Variants in CDH11 observed in about 807,000 individuals in gnomAD.
CDH11 encodes cadherin 11, also known as cadherin-11.
A neutral mutation model predicts 67.8 loss-of-function variants in CDH11; 11 were observed. That is an observed-to-expected ratio of 0.16 (90% CI 0.10 to 0.27). The LOEUF is 0.27. Ranked by LOEUF, CDH11 falls within the 10% of genes least tolerant of loss-of-function variation. The probability of loss-of-function intolerance (pLI) is 1.00; values close to 1 mark genes in which losing one functional copy is unlikely to be tolerated. For missense variants in CDH11, 847 were observed against 1,031.2 expected, an observed-to-expected ratio of 0.82 and a Z score of 2.45; for synonymous variants, 419 against 400.0, an observed-to-expected ratio of 1.05 and a Z score of -0.57.
At position 64,950,960 on chromosome 16, in the gene CDH11, C is replaced by G. The variant is rs1755885399; in HGVS notation, c.1701G>C (p.Leu567Phe). 1.2e-6 allele frequency: 2 copies of G among 1,614,088 alleles called. No individual in the cohort carries two copies. The change falls in exon 12 of 13, where the codon TTG becomes TTC. Residue 567 changes from leucine (L) to phenylalanine (F), a missense_variant. By Grantham distance (22) the Leu-to-Phe change is conservative. Transcript: ENST00000268603. ...RGGFSRQKQD[L>F]YLLPIVISDG... ...CGCTGATCACTATGGGCAGAAGGTA[C>G]AAGTCCTGCTTCTGCCGACTGAACC...
intron 8 of CDH11, 77 bp downstream of exon 8, chr16:64,981,970 TG>T: frequency 4.6e-6 from 6 of 1,300,026 alleles, no homozygotes; most frequent in Non-Finnish European, 6.4e-6. Context: ...TTGAAAAACG[TG>T]GTTCCTACAG....
At position 64,976,851 on chromosome 16, in the gene CDH11, A is replaced by AAACCAACCAACCAACC. The variant is rs143816723; in HGVS notation, c.1254-3827_1254-3812dup. 2.0e-5 allele frequency among the ~76,000 whole-genome samples: 3 copies of AAACCAACCAACCAACC among 147,084 alleles called. 1 individual carries two copies. The highest frequency in any genetic ancestry group is 5.0e-5 in the African/African-American group (2 of 39,648). On this transcript the variant is annotated intron_variant, in intron 8 of 12. Coordinates refer to ENST00000268603, the MANE Select transcript of CDH11 (RefSeq NM_001797.4). ...CAACAGAGTGAGACTCGGTCTCCAA[A>AAACCAACCAACCAACC]AACCAACCAACCAACCAACCAACCA...
intron 1 of CDH11, among the ~76,000 whole-genome samples, chr16:65,110,656 G>A (rs1418149658): frequency 6.7e-6 from 1 of 150,040 alleles, no homozygotes; most frequent in Non-Finnish European, 1.5e-5. Context: ...GTGTGTGTGT[G>A]TGTGTGTGTG....
At position 64,947,682 on chromosome 16, in the gene CDH11, T is replaced by A. The variant is rs2071229857; in HGVS notation, c.2312A>T (p.Tyr771Phe). 6.2e-7 allele frequency: 1 copy of A among 1,614,044 alleles called. No homozygotes were observed. Among genetic ancestry groups the A allele is most frequent in the African/African-American group, 1.3e-5 (1 of 74,926 alleles). ...ATTDSDLDYD[Y>F]LQNWGPRFKK... The stretch of plus-strand genomic sequence containing the variant: ...AAAACGAGGTCCCCAGTTCTGTAGA[T>A]AATCATAGTCCAAGTCTGAATCTGT... Residue 771 changes from tyrosine (Y) to phenylalanine (F), a missense_variant, in exon 13 of 13, where the codon TAT becomes TTT. This residue lies in a region of CDH11 where 612 missense variants were observed against 678.7 expected (regional missense o/e 0.90). Coordinates refer to ENST00000268603, the MANE Select transcript of CDH11 (RefSeq NM_001797.4).
At position 64,982,239 on chromosome 16, in the gene CDH11, G is replaced by C. The variant is rs771089094; in HGVS notation, c.1062C>G (p.Ile354Met). Residue 354 changes from isoleucine to methionine, a missense_variant, in exon 8 of 13, where the codon ATC (isoleucine) becomes ATG (methionine). Ile to Met is a conservative substitution (Grantham distance 10, BLOSUM62 1). Around this residue, in one of 2 missense-constraint regions of CDH11, gnomAD observed 612 missense variants for 678.7 expected, o/e 0.90. Coordinates refer to ENST00000268603, the MANE Select transcript of CDH11 (RefSeq NM_001797.4). ...GGCCATTGCTGATAAACTTCGGGTC[G>C]ATGTGCACGTTGGCTGCCTCTACCT... Reference protein sequence around the residue: ...SLKVEAANVHIDPKFISNGPF... With the variant: ...SLKVEAANVHMDPKFISNGPF... 2 of 1,613,340 alleles carry C rather than the reference G, an allele frequency of 1.2e-6. No homozygotes were observed. The highest frequency in any genetic ancestry group is 2.2e-5 in the South Asian group (2 of 91,068).
intron 7 of CDH11, chr16:64,984,678 T>C (rs1023396766): frequency 6.6e-6 from 1 of 152,224 alleles, no homozygotes; most frequent in South Asian, 2.1e-4. Context: ...TGTGGAAATG[T>C]ACACACAAAA....
intron 2 of CDH11, among the ~76,000 whole-genome samples, chr16:65,049,731 C>T (rs2074022990): frequency 6.6e-6 from 1 of 152,160 alleles, no homozygotes; most frequent in African/African-American, 2.4e-5. Context: ...GTGGTGATGA[C>T]AGTCACATTG....
Position 64,988,268 on chromosome 16 carries a change from G to A in CDH11, c.888C>T (p.Asp296=). 6.2e-7 allele frequency: 1 copy of A among 1,613,702 alleles called. No individual in the cohort carries two copies. The highest frequency in any genetic ancestry group is 8.5e-7 in the Non-Finnish European group (1 of 1,179,744). ...ATGTGACTAAGCCATTTTCTCCAAT[G>A]TCTGGATCTTTAGCTTTCACTCTTC... ...EVGRVKAKDP[D]IGENGLVTYN... Residue 296 remains aspartate (D), a synonymous_variant, in exon 7 of 13, where the codon GAC becomes GAT. Coordinates refer to ENST00000268603, the MANE Select transcript of CDH11 (RefSeq NM_001797.4).
At chr16:65,107,987 A>G (rs1196619802) in intron 1 of CDH11, among the ~76,000 whole-genome samples, 1 of 152,184 alleles carries the variant, frequency 6.6e-6, no homozygotes, top group Non-Finnish European at 1.5e-5. Context: ...CTATTAGGGA[A>G]AATTTGTCAG....
chr16:65,027,149 A>C (rs956143128), intron 2 of CDH11, among the ~76,000 whole-genome samples: 6 of 152,190 alleles, frequency 3.9e-5, no homozygotes, highest in Non-Finnish European at 5.9e-5. Context: ...ACCGCTCACA[A>C]CACCAGCCAC....
chr16:65,097,491 T>C (rs1481140474), intron 1 of CDH11, among the ~76,000 whole-genome samples: 1 of 152,224 alleles, frequency 6.6e-6, no homozygotes, highest in Non-Finnish European at 1.5e-5. Context: ...AGGGCTGTCC[T>C]GTGCACTGCA....
chr16:64,993,843 A>G (rs905751997), intron 4 of CDH11, among the ~76,000 whole-genome samples: 1 of 152,118 alleles, frequency 6.6e-6, no homozygotes, highest in Non-Finnish European at 1.5e-5. Context: ...AAAACCAGTA[A>G]TTATCGAATT....
At chr16:64,983,290 A>C (rs2072403269) in intron 7 of CDH11, 1 of 152,206 alleles carries the variant, frequency 6.6e-6, no homozygotes, top group East Asian at 1.9e-4. Context: ...GATAGTAAAC[A>C]CTGCCTAATT....
chr16:65,064,385 G>A (rs1410344901), intron 1 of CDH11, among the ~76,000 whole-genome samples: 2 of 152,182 alleles, frequency 1.3e-5, no homozygotes, highest in Admixed American at 6.5e-5. Flanking sequence ...TGCACATCAC[G>A]CTATTGTTTC....
intron 1 of CDH11, among the ~76,000 whole-genome samples, chr16:65,096,089 TA>T (rs1459177127): frequency 6.6e-6 from 1 of 152,240 alleles, no homozygotes; most frequent in African/African-American, 2.4e-5. Context: ...ATGTGTGTAG[TA>T]AGTTGAAGTC....
At chr16:65,067,482 T>C (rs574804066) in intron 1 of CDH11, among the ~76,000 whole-genome samples, 262 of 152,352 alleles carry the variant, frequency 1.7e-3, no homozygotes, top group Admixed American at 2.4e-3. Context: ...GAATTTTCTC[T>C]TCTTTGTTGC....
chr16:64,983,210 A>C (rs1335575185), intron 7 of CDH11: 2 of 147,400 alleles, frequency 1.4e-5, no homozygotes, highest in Non-Finnish European at 3.1e-5. Context: ...GAAAGCAGTA[A>C]AATTTTACAC....
chr16:65,040,050 A>G (rs2073835645), intron 2 of CDH11, among the ~76,000 whole-genome samples: 1 of 152,224 alleles, frequency 6.6e-6, no homozygotes, highest in African/African-American at 2.4e-5. Flanking sequence ...TTAAAAAGTC[A>G]GGAAACAGGT....
At chr16:64,956,583 C>T (rs1314285021) in intron 11 of CDH11, among the ~76,000 whole-genome samples, 1 of 152,138 alleles carries the variant, frequency 6.6e-6, no homozygotes, top group African/African-American at 2.4e-5. Context: ...CATCCTTGGC[C>T]ACAGATATGT....
Sources: allele counts gnomAD v4.1 joint callset (sites outside exome capture counted in the v4.1 genomes callset), GRCh38; gene constraint gnomAD v4.1.1; regional missense constraint gnomAD v4.1.1; transcripts MANE v1.5; gene names NCBI Gene and HGNC (gene_info 2026-07-23, HGNC 2026-07-21).